PDS5B: variants seen among roughly 807,000 people sequenced by gnomAD.
The protein encoded by PDS5B is PDS5 cohesin associated factor B.
A neutral mutation model predicts 184.1 loss-of-function variants in PDS5B; 51 were observed. The observed-to-expected ratio is 0.28, with a 90% CI of 0.22 to 0.35. PDS5B has a LOEUF of 0.35. Ranked by LOEUF, PDS5B falls within the 10% of genes least tolerant of loss-of-function variation. PDS5B has a pLI of 1.00. For missense variants in PDS5B, 1,180 were observed against 1,723.3 expected, an observed-to-expected ratio of 0.68 and a Z score of 5.58; for synonymous variants, 566 against 569.2, an observed-to-expected ratio of 0.99 and a Z score of 0.08.
At chr13:32,634,204 C>A (rs1376093374) in intron 1 of PDS5B, among the ~76,000 whole-genome samples, 1 of 151,980 alleles carries the variant, frequency 6.6e-6, no homozygotes, top group African/African-American at 2.4e-5. Context: ...CTTTAAATTT[C>A]TTAGAAAAGA....
At chr13:32,652,892 G>T (rs749158484) in intron 3 of PDS5B, among the ~76,000 whole-genome samples, 2 of 152,164 alleles carry the variant, frequency 1.3e-5, no homozygotes, top group Middle Eastern at 3.2e-3. Context: ...GGAATAGCAC[G>T]AGTAATCTTT....
chr13:32,750,293 C>G lies in PDS5B; in HGVS notation c.2737-3039C>G, dbSNP rs117103256. Reference sequence around the variant, plus strand: ...ATGATTAGTCAGAGAGGGACAAAAACCTGGACTTGATTGGGATTTTAATGA... The same window carrying G: ...ATGATTAGTCAGAGAGGGACAAAAAGCTGGACTTGATTGGGATTTTAATGA... On this transcript the variant is annotated intron_variant, in intron 24 of 34. Coordinates refer to ENST00000315596, the MANE Select transcript of PDS5B (RefSeq NM_015032.4). Among the ~76,000 whole-genome samples, 5 of 152,218 alleles carry G rather than the reference C, an allele frequency of 3.3e-5. No homozygotes were observed. In the East Asian group the frequency reaches 9.6e-4, roughly 29 times the overall value.
chr13:32,702,011 T>C (rs761886235), intron 17 of PDS5B, among the ~76,000 whole-genome samples: 1 of 152,106 alleles, frequency 6.6e-6, no homozygotes, highest in Non-Finnish European at 1.5e-5. Flanking sequence ...GAGGTGTTTT[T>C]TTATTTTTAA....
At chr13:32,679,632 T>A (rs927275126) in intron 10 of PDS5B, among the ~76,000 whole-genome samples, 2 of 151,546 alleles carry the variant, frequency 1.3e-5, no homozygotes, top group African/African-American at 4.9e-5. Flanking sequence ...GCGAAACTCT[T>A]TATCTCAAAA....
At chr13:32,736,761 G>GT (rs1487047659) in intron 21 of PDS5B, among the ~76,000 whole-genome samples, 5 of 151,738 alleles carry the variant, frequency 3.3e-5, no homozygotes, top group Admixed American at 6.6e-5. Context: ...AACGTACATT[G>GT]TTTTTTTGCT....
chr13:32,707,504 A>G (rs1659911578), intron 18 of PDS5B, among the ~76,000 whole-genome samples: 2 of 151,464 alleles, frequency 1.3e-5, no homozygotes, highest in Admixed American at 1.3e-4. Context: ...CAACAAATGC[A>G]TAGTTGGGAT....
At chr13:32,605,971 G>C (rs964748714) in intron 1 of PDS5B, among the ~76,000 whole-genome samples, 1 of 151,740 alleles carries the variant, frequency 6.6e-6, no homozygotes, top group Non-Finnish European at 1.5e-5. Flanking sequence ...CTCTGCGTGT[G>C]AGATGGGTCT....
In PDS5B at chr13:32,724,666, C is replaced by T. The variant is rs148744139; in HGVS notation, c.2124-7435C>T. On this transcript the variant is annotated intron_variant, in intron 19 of 34. Coordinates refer to ENST00000315596, the MANE Select transcript of PDS5B (RefSeq NM_015032.4). The stretch of plus-strand genomic sequence containing the variant: ...GTGCGATCACAGCTCACTGCAGCCT[C>T]GACCTCCTGGTTCAAGCAATCCTCC... Among the ~76,000 whole-genome samples, 1,257 of 152,238 alleles carry T rather than the reference C, an allele frequency of 8.3e-3. 8 individuals carry two copies. Among genetic ancestry groups the T allele is most frequent in the Non-Finnish European group, 0.012 (825 of 67,988 alleles).
intron 26 of PDS5B, 39 bp downstream of exon 26, chr13:32,755,995 G>A (rs542798317): frequency 1.6e-5 from 16 of 1,018,010 alleles, no homozygotes; most frequent in Admixed American, 4.1e-5. Flanking sequence ...TTTTCTGAAA[G>A]TTATTTTTTC....
chr13:32,650,947 A>T (rs1277039987), intron 2 of PDS5B, among the ~76,000 whole-genome samples: 1 of 152,200 alleles, frequency 6.6e-6, no homozygotes, highest in Non-Finnish European at 1.5e-5. Context: ...TGGATGCTGG[A>T]TGGTCACCTT....
rs116408955 is a variant in PDS5B at position 32,609,269 on chromosome 13, A to G, written c.-20+22676A>G. On this transcript the variant is annotated intron_variant, in intron 1 of 34. Coordinates refer to ENST00000315596, the MANE Select transcript of PDS5B (RefSeq NM_015032.4). ...GTCACATTTTGTATTTAATTTAGAT[A>G]CTGAAATATGAGGCTAGCTACTATT... is the stretch of plus-strand genomic sequence containing the variant. Among the ~76,000 whole-genome samples, 1,364 of 152,348 alleles carry G rather than the reference A, an allele frequency of 9.0e-3. 28 individuals carry two copies. Among genetic ancestry groups the G allele is most frequent in the African/African-American group, 0.032 (1,310 of 41,566 alleles).
At chr13:32,734,753 TTCATATA>T (rs1456410745) in intron 20 of PDS5B, among the ~76,000 whole-genome samples, 3 of 152,230 alleles carry the variant, frequency 2.0e-5, no homozygotes, top group Non-Finnish European at 4.4e-5. Context: ...CCAGAACTCA[TTCATATA>T]TCCTCACTTA....
chr13:32,685,159 A>G (rs1668549336), intron 11 of PDS5B, among the ~76,000 whole-genome samples: 1 of 152,154 alleles, frequency 6.6e-6, no homozygotes, highest in Non-Finnish European at 1.5e-5. Flanking sequence ...CCCTTGTTTA[A>G]TACTCTCGTT....
intron 1 of PDS5B, among the ~76,000 whole-genome samples, chr13:32,646,748 G>C (rs778023904): frequency 3.6e-4 from 54 of 151,966 alleles, no homozygotes; most frequent in Non-Finnish European, 5.9e-4. Context: ...TACACATATA[G>C]TACTTAGTAT....
At chr13:32,655,375 T>TA (rs1555296358) in intron 3 of PDS5B, among the ~76,000 whole-genome samples, 1,239 of 50,332 alleles carry the variant, frequency 0.025, 57 homozygotes, top group East Asian at 0.16. Context: ...TATATATATA[T>TA]TTTTTTTTTT....
At chr13:32,640,136 A>G (rs1425520562) in intron 1 of PDS5B, among the ~76,000 whole-genome samples, 1 of 152,182 alleles carries the variant, frequency 6.6e-6, no homozygotes, top group African/African-American at 2.4e-5. Flanking sequence ...TTAAAGAATG[A>G]CCATTTCATT....
At position 32,764,560 on chromosome 13, in the gene PDS5B, A is replaced by G. The variant is rs1954522597; in HGVS notation, c.3590A>G (p.Lys1197Arg). ...YTMSSPLPGK[K>R]SDKRDDSDLV... is the part of the protein sequence containing the mutation. The stretch of plus-strand genomic sequence containing the variant: ...ATGTCTTCACCTTTGCCGGGGAAAA[A>G]AAGTGACAAGAGAGACGACTCTGAT... The change falls in exon 31 of 35, where the codon AAA becomes AGA. Residue 1197 changes from lysine (K) to arginine (R), a missense_variant. This residue lies in a region of PDS5B where 465 missense variants were observed against 497.8 expected (regional missense o/e 0.93). Coordinates refer to ENST00000315596, the MANE Select transcript of PDS5B (RefSeq NM_015032.4). 1 of 1,605,512 alleles carries G rather than the reference A, an allele frequency of 6.2e-7. No homozygotes were observed. The highest frequency in any genetic ancestry group is 1.1e-5 in the South Asian group (1 of 89,720).
chr13:32,650,653 A>G (rs1950345508), intron 2 of PDS5B: 1 of 152,188 alleles, frequency 6.6e-6, no homozygotes, highest in Admixed American at 6.5e-5. Context: ...AAAAAAGCTA[A>G]AAGACCCAGA....
At chr13:32,701,492 C>A in intron 17 of PDS5B, 54 bp downstream of exon 17, 1 of 1,093,532 alleles carries the variant, frequency 9.1e-7, no homozygotes, top group Non-Finnish European at 1.4e-6. Context: ...TGTGTACATT[C>A]AGGAATCAGT....
Sources: allele counts gnomAD v4.1 joint callset (sites outside exome capture counted in the v4.1 genomes callset), GRCh38; gene constraint gnomAD v4.1.1; regional missense constraint gnomAD v4.1.1; transcripts MANE v1.5; gene names NCBI Gene and HGNC (gene_info 2026-07-23, HGNC 2026-07-21).